The following RAP2A variants were observed in gnomAD, a reference collection of about 807,000 sequenced individuals.
RAP2A encodes ras-related protein Rap-2a.
In RAP2A, 5 loss-of-function variants were observed where a neutral mutation model predicts 15.1. The ratio of observed to expected loss-of-function variants is 0.33; its 90% CI spans 0.17 to 0.70. The LOEUF (loss-of-function observed/expected upper bound fraction) is 0.70. RAP2A is among the 30% of genes least tolerant of loss of function. The pLI is 0.68. For synonymous variants in RAP2A, 110 were observed against 99.7 expected (o/e 1.10, Z -0.62); for missense variants, 111 against 240.3 (o/e 0.46, Z 3.56).
intron 1 of RAP2A, among the ~76,000 whole-genome samples, chr13:97,454,696 T>C (rs1192261335): frequency 6.6e-6 from 1 of 151,458 alleles, no homozygotes; most frequent in Non-Finnish European, 1.5e-5. Flanking sequence ...TATATTTACA[T>C]AGTATTTACT....
intron 1 of RAP2A, among the ~76,000 whole-genome samples, chr13:97,456,127 G>A (rs2066721852): frequency 2.1e-5 from 3 of 144,260 alleles, no homozygotes; most frequent in African/African-American, 5.2e-5. Flanking sequence ...AAATAAGAAG[G>A]AAAAAAGTGA....
intron 1 of RAP2A, among the ~76,000 whole-genome samples, chr13:97,436,769 C>CA (rs1412453877): frequency 1.3e-5 from 2 of 152,178 alleles, no homozygotes; most frequent in African/African-American, 4.8e-5. Flanking sequence ...TCACTAGTCT[C>CA]AGTTCTTGAT....
intron 1 of RAP2A, among the ~76,000 whole-genome samples, chr13:97,452,252 A>G (rs2066704947): frequency 6.6e-6 from 1 of 151,294 alleles, no homozygotes; most frequent in Non-Finnish European, 1.5e-5. Context: ...TAGAAGTATT[A>G]TAACCTAACT....
chr13:97,451,254 G>A (rs1246090205), intron 1 of RAP2A, among the ~76,000 whole-genome samples: 3 of 151,312 alleles, frequency 2.0e-5, no homozygotes, highest in Non-Finnish European at 4.4e-5. Flanking sequence ...TTTTTTTATT[G>A]AGGTAGAAAT....
At chr13:97,457,889 A>G (rs776674321) in intron 1 of RAP2A, among the ~76,000 whole-genome samples, 3 of 152,136 alleles carry the variant, frequency 2.0e-5, no homozygotes, top group Non-Finnish European at 4.4e-5. Flanking sequence ...AGGGACCTAT[A>G]TCATGTTGGA....
At chr13:97,458,720 A>G (rs9582135) in intron 1 of RAP2A, among the ~76,000 whole-genome samples, 5,970 of 152,296 alleles carry the variant, frequency 0.039, 176 homozygotes, top group African/African-American at 0.081. Context: ...ACACGACCAG[A>G]ATAAAATATA....
intron 1 of RAP2A, among the ~76,000 whole-genome samples, chr13:97,461,988 A>ATT (rs1555326909): frequency 0.026 from 3,797 of 144,194 alleles, 70 homozygotes; most frequent in South Asian, 0.057. Flanking sequence ...ATATATATAT[A>ATT]TTTATATATT....
intron 1 of RAP2A, among the ~76,000 whole-genome samples, chr13:97,459,219 G>T (rs2066736367): frequency 6.6e-6 from 1 of 151,802 alleles, no homozygotes; most frequent in African/African-American, 2.4e-5. Context: ...AACAGTTTGA[G>T]AATTTTGCAT....
At chr13:97,453,129 C>T (rs2066709656) in intron 1 of RAP2A, among the ~76,000 whole-genome samples, 2 of 151,126 alleles carry the variant, frequency 1.3e-5, no homozygotes, top group South Asian at 4.2e-4. Flanking sequence ...TTCTTTTAAT[C>T]ATTTTGATTA....
intron 1 of RAP2A, among the ~76,000 whole-genome samples, chr13:97,442,997 G>A (rs886820386): frequency 6.6e-6 from 1 of 152,168 alleles, no homozygotes; most frequent in African/African-American, 2.4e-5. Flanking sequence ...AGTAATTCAA[G>A]ATAACTTTTG....
At chr13:97,450,655 G>A (rs1212922129) in intron 1 of RAP2A, among the ~76,000 whole-genome samples, 3 of 149,266 alleles carry the variant, frequency 2.0e-5, no homozygotes, top group Admixed American at 6.6e-5. Flanking sequence ...TAGATATTAC[G>A]CTTAAAAAAA....
At chr13:97,442,675 A>G (rs139591698) in intron 1 of RAP2A, among the ~76,000 whole-genome samples, 162 of 152,234 alleles carry the variant, frequency 1.1e-3, no homozygotes, top group African/African-American at 3.6e-3. Context: ...ATGACCCACC[A>G]AATTGATTTT....
chr13:97,437,202 G>C (rs1189362967), intron 1 of RAP2A: 1 of 152,120 alleles, frequency 6.6e-6, no homozygotes, highest in African/African-American at 2.4e-5. Flanking sequence ...TGACATGTCA[G>C]TATTCAAAAA....
intron 1 of RAP2A, among the ~76,000 whole-genome samples, chr13:97,456,653 GATT>G (rs2066724267): frequency 6.8e-6 from 1 of 146,544 alleles, no homozygotes; most frequent in African/African-American, 2.6e-5. Flanking sequence ...TATGAAAGCA[GATT>G]ATTTTATTGG....
At chr13:97,456,897 G>A (rs1384551246) in intron 1 of RAP2A, among the ~76,000 whole-genome samples, 3 of 152,128 alleles carry the variant, frequency 2.0e-5, no homozygotes, top group Non-Finnish European at 2.9e-5. Context: ...GAGGAAGAGG[G>A]CAGGTTTACT....
rs539947748 is a variant in RAP2A, at chr13:97,448,894, T to C, written c.314+14110T>C. On this transcript the variant is annotated intron_variant, in intron 1 of 1. Transcript: ENST00000245304. ...GCAACAGGAGGGCTTTATGGGGCAA[T>C]GGAGAGGAGAGAAGGGTGCAGCCTT... 2.6e-5 allele frequency among the ~76,000 whole-genome samples: 4 copies of C among 152,212 alleles called. No individual in the cohort carries two copies. In the East Asian group the frequency reaches 7.7e-4, roughly 29 times the overall value.
At chr13:97,440,758 A>G (rs1158041349) in intron 1 of RAP2A, among the ~76,000 whole-genome samples, 1 of 152,192 alleles carries the variant, frequency 6.6e-6, no homozygotes, top group African/African-American at 2.4e-5. Context: ...TCAATGCTGT[A>G]AAACTATCCA....
intron 1 of RAP2A, among the ~76,000 whole-genome samples, chr13:97,436,491 A>C (rs527433233): frequency 3.9e-5 from 6 of 152,332 alleles, no homozygotes; most frequent in Middle Eastern, 3.4e-3. Flanking sequence ...TATATGCTTA[A>C]AGATATGAAG....
At chr13:97,435,368 AAC>A (rs2066628844) in intron 1 of RAP2A, among the ~76,000 whole-genome samples, 1 of 151,976 alleles carries the variant, frequency 6.6e-6, no homozygotes, top group Non-Finnish European at 1.5e-5. Flanking sequence ...CGAGAATATT[AAC>A]AGAGGAGTAC....
Sources: allele counts gnomAD v4.1 joint callset (sites outside exome capture counted in the v4.1 genomes callset), GRCh38; gene constraint gnomAD v4.1.1; transcripts MANE v1.5; gene names NCBI Gene and HGNC (gene_info 2026-07-23, HGNC 2026-07-21).